The following SLC35F1 variants were observed in gnomAD, a reference collection of about 807,000 sequenced individuals.
SLC35F1 encodes chromosome 6 open reading frame 169.
SLC35F1 carries 14 observed loss-of-function variants against 48.7 expected under a neutral mutation model. The observed-to-expected ratio is 0.29, with a 90% CI of 0.19 to 0.45. SLC35F1 has a LOEUF of 0.45. Among genes scored for constraint, SLC35F1 ranks in the 20% least tolerant of loss-of-function variants. SLC35F1 has a pLI of 1.00. For synonymous variants in SLC35F1, 190 were observed against 202.2 expected (o/e 0.94, Z 0.51); for missense variants, 404 against 500.0 (o/e 0.81, Z 1.83).
chr6:118,146,531 C>T (rs183388712), intron 1 of SLC35F1, among the ~76,000 whole-genome samples: 15 of 152,286 alleles, frequency 9.8e-5, no homozygotes, highest in African/African-American at 3.6e-4. Flanking sequence ...AGACTCAAAA[C>T]TATGTTCTCT....
intron 1 of SLC35F1, among the ~76,000 whole-genome samples, chr6:118,127,081 A>G (rs1269526631): frequency 6.7e-6 from 1 of 150,152 alleles, no homozygotes; most frequent in Admixed American, 6.6e-5. Flanking sequence ...GAATGCTTCC[A>G]GTTTTTGCCC....
intron 2 of SLC35F1, among the ~76,000 whole-genome samples, chr6:118,169,858 G>A (rs1774375365): frequency 6.6e-6 from 1 of 152,196 alleles, no homozygotes; most frequent in Admixed American, 6.6e-5. Context: ...TATTCTGTGA[G>A]CCAAAATAAG....
Position 118,313,596 on chromosome 6 carries a change from C to T in SLC35F1, c.1003-432C>T, listed in dbSNP as rs183982675. 1.3e-3 allele frequency among the ~76,000 whole-genome samples: 203 copies of T among 152,292 alleles called. 1 individual carries two copies. The highest frequency in any genetic ancestry group is 2.5e-3 in the Non-Finnish European group (172 of 68,030). On this transcript the variant is annotated intron_variant, in intron 7 of 7. Transcript: ENST00000360388. The stretch of plus-strand genomic sequence containing the variant: ...AATGAGAGTGCCCTGATGCAGCTGT[C>T]AGTGAGCGGTTCATTGTTTATGGCT...
chr6:118,048,885 A>C (rs986758759), intron 1 of SLC35F1, among the ~76,000 whole-genome samples: 9 of 152,196 alleles, frequency 5.9e-5, no homozygotes, highest in Non-Finnish European at 1.3e-4. Flanking sequence ...TATGGAACCA[A>C]AAAAGAGCCC....
chr6:118,052,078 T>G (rs1772399424), intron 1 of SLC35F1, among the ~76,000 whole-genome samples: 1 of 152,104 alleles, frequency 6.6e-6, no homozygotes, highest in South Asian at 2.1e-4. Context: ...TGGTAAATGC[T>G]GGCTCTTCTC....
intron 1 of SLC35F1, among the ~76,000 whole-genome samples, chr6:118,008,191 A>G (rs1251735268): frequency 2.0e-5 from 3 of 152,156 alleles, no homozygotes; most frequent in African/African-American, 4.8e-5. Context: ...GACATTGTAT[A>G]CATGTATCAA....
intron 1 of SLC35F1, among the ~76,000 whole-genome samples, chr6:117,939,146 C>T (rs189791591): frequency 1.1e-4 from 16 of 151,912 alleles, no homozygotes; most frequent in African/African-American, 2.9e-4. Flanking sequence ...ACTACAGGCA[C>T]GCATCACCAC....
At chr6:117,994,227 T>G (rs950874771) in intron 1 of SLC35F1, among the ~76,000 whole-genome samples, 3 of 151,998 alleles carry the variant, frequency 2.0e-5, no homozygotes, top group Non-Finnish European at 4.4e-5. Flanking sequence ...AACAGCAATG[T>G]CACATTGCTG....
chr6:118,085,270 A>G (rs1772970399), intron 1 of SLC35F1, among the ~76,000 whole-genome samples: 1 of 152,094 alleles, frequency 6.6e-6, no homozygotes, highest in Admixed American at 6.5e-5. Flanking sequence ...AGTGTGGTCC[A>G]CTTTCAGGGC....
chr6:118,299,013 A>G (rs1259712470), intron 7 of SLC35F1, among the ~76,000 whole-genome samples: 1 of 151,890 alleles, frequency 6.6e-6, no homozygotes, highest in Non-Finnish European at 1.5e-5. Flanking sequence ...CATCTCTACA[A>G]ACATATATAT....
chr6:118,230,145 T>A (rs748990515), intron 2 of SLC35F1, among the ~76,000 whole-genome samples: 1 of 151,986 alleles, frequency 6.6e-6, no homozygotes, highest in Non-Finnish European at 1.5e-5. Context: ...ATCAAGACTA[T>A]CCTGGCCAAC....
intron 4 of SLC35F1, among the ~76,000 whole-genome samples, chr6:118,274,761 A>G (rs1380521657): frequency 2.0e-5 from 3 of 152,246 alleles, no homozygotes; most frequent in Non-Finnish European, 4.4e-5. Flanking sequence ...AGTGAATTAC[A>G]TATATTTACA....
intron 1 of SLC35F1, among the ~76,000 whole-genome samples, chr6:118,030,804 A>G (rs1772034423): frequency 6.6e-6 from 1 of 152,162 alleles, no homozygotes; most frequent in Non-Finnish European, 1.5e-5. Flanking sequence ...TTCTTCATAT[A>G]TGTAATTTTA....
chr6:117,921,884 T>C (rs1775904110), intron 1 of SLC35F1, among the ~76,000 whole-genome samples: 1 of 152,066 alleles, frequency 6.6e-6, no homozygotes, highest in South Asian at 2.1e-4. Context: ...TATGAAAAAA[T>C]GTAAATGGGA....
intron 3 of SLC35F1, among the ~76,000 whole-genome samples, chr6:118,253,823 G>A (rs950795106): frequency 2.0e-5 from 3 of 152,034 alleles, no homozygotes; most frequent in Admixed American, 2.0e-4. Flanking sequence ...TATTGCTGTA[G>A]CTTGAGGAAT....
chr6:118,133,858 T>C (rs999012215), intron 1 of SLC35F1, among the ~76,000 whole-genome samples: 1 of 152,232 alleles, frequency 6.6e-6, no homozygotes, highest in Admixed American at 6.5e-5. Context: ...GGAGGCCCAG[T>C]GCCTGCCATG....
chr6:118,235,936 G>T (rs1301282940), intron 3 of SLC35F1, among the ~76,000 whole-genome samples: 2 of 152,016 alleles, frequency 1.3e-5, no homozygotes, highest in Admixed American at 6.6e-5. Context: ...TATTGACAAT[G>T]TAAAAAAAAT....
chr6:118,140,816 T>C (rs1229150552), intron 1 of SLC35F1, among the ~76,000 whole-genome samples: 2 of 152,128 alleles, frequency 1.3e-5, no homozygotes, highest in Non-Finnish European at 2.9e-5. Flanking sequence ...TGCATTTTAG[T>C]TTTAACAAAA....
intron 7 of SLC35F1, among the ~76,000 whole-genome samples, chr6:118,288,010 G>GT (rs752463150): frequency 2.7e-5 from 2 of 75,064 alleles, no homozygotes; most frequent in African/African-American, 6.1e-5. Context: ...CAATGATTTG[G>GT]GTTTTTTTTT....
Sources: allele counts gnomAD v4.1 joint callset (sites outside exome capture counted in the v4.1 genomes callset), GRCh38; gene constraint gnomAD v4.1.1; transcripts MANE v1.5; gene names NCBI Gene and HGNC (gene_info 2026-07-23, HGNC 2026-07-21).